RABL3: variants seen among roughly 807,000 people sequenced by gnomAD.
RABL3 encodes the protein RAB, member of RAS oncogene family like 3.
A neutral mutation model predicts 31.8 loss-of-function variants in RABL3; 31 were observed. The observed-to-expected ratio is 0.97, with a 90% CI of 0.73 to 1.31. The LOEUF (loss-of-function observed/expected upper bound fraction) is 1.31. RABL3 is among the 40% of genes most tolerant of loss of function. The pLI is 0.00. For missense variants in RABL3, 263 were observed against 279.6 expected (o/e 0.94, Z 0.42); for synonymous variants, 97 against 99.9 (o/e 0.97, Z 0.18).
In RABL3 at chr3:120,687,666, A is replaced by G. The variant is rs982574925; in HGVS notation, c.*2157T>C. The G allele has an allele frequency of 2.0e-5, 3 of 152,140 alleles. No homozygotes were observed. The highest frequency in any genetic ancestry group is 7.2e-5 in the African/African-American group (3 of 41,448). The allele number at this position is 152,140 out of a possible 1,614,324, so 9.4% of individuals were successfully genotyped here. On this transcript the variant is annotated 3_prime_UTR_variant, in exon 8 of 8. Coordinates refer to ENST00000273375, the MANE Select transcript of RABL3 (RefSeq NM_173825.5). ...ATTAAAAACTATTTTTTCTTAGAAA[A>G]CTATAATTCAAGGAATCAAGCTTGG...
chr3:120,734,909 A>G (rs1182384938), intron 1 of RABL3, among the ~76,000 whole-genome samples: 1 of 152,122 alleles, frequency 6.6e-6, no homozygotes, highest in Admixed American at 6.6e-5. Context: ...TGATCATGGT[A>G]GATAAGCTTT....
At chr3:120,721,583 G>T (rs1708742155) in intron 2 of RABL3, among the ~76,000 whole-genome samples, 1 of 151,990 alleles carries the variant, frequency 6.6e-6, no homozygotes, top group Non-Finnish European at 1.5e-5. Context: ...GACAAAGAAG[G>T]CCATTACATA....
intron 2 of RABL3, among the ~76,000 whole-genome samples, chr3:120,724,145 T>C (rs938536081): frequency 6.6e-6 from 1 of 152,196 alleles, no homozygotes; most frequent in African/African-American, 2.4e-5. Context: ...AGCATTCTCA[T>C]ACACTAATAA....
intron 2 of RABL3, among the ~76,000 whole-genome samples, chr3:120,719,152 A>G (rs1708705260): frequency 6.6e-6 from 1 of 152,244 alleles, no homozygotes; most frequent in South Asian, 2.1e-4. Flanking sequence ...ATTACAAAAT[A>G]TACTTTGTTT....
At chr3:120,697,051 T>C (rs1708445178) in intron 5 of RABL3, among the ~76,000 whole-genome samples, 2 of 152,352 alleles carry the variant, frequency 1.3e-5, no homozygotes, top group South Asian at 4.1e-4. Context: ...TTCCTGGTCC[T>C]CCTGCCAGGC....
rs574722359 is a variant in RABL3 at position 120,687,107 on chromosome 3, A to G, written c.*2716T>C. ...AACGTTAAGATGGAGAGACCAGCCC[A>G]AATCTTTAGTTGGATTCCAGCTAAG... On this transcript the variant is annotated 3_prime_UTR_variant, in exon 8 of 8. Transcript: ENST00000273375. The G allele has an allele frequency of 6.6e-6, 1 of 152,328 alleles. No homozygotes were observed. Among genetic ancestry groups the G allele is most frequent in the East Asian group, 1.9e-4 (1 of 5,186 alleles). The allele number at this position is 152,328 out of a possible 1,614,324, so 9.4% of individuals were successfully genotyped here. A position where few individuals can be genotyped will look rare whatever the true frequency, so the allele number is the denominator to read the frequency against.
In RABL3 at chr3:120,685,379, CTT is replaced by C. The variant is rs1446485975; in HGVS notation, c.*4442_*4443del. Among the ~76,000 whole-genome samples the C allele has an allele frequency of 6.6e-6, 1 of 152,124 alleles. No individual in the cohort carries two copies. The highest frequency in any genetic ancestry group is 1.5e-5 in the Non-Finnish European group (1 of 68,028). On this transcript the variant is annotated 3_prime_UTR_variant, in exon 8 of 8. Transcript: ENST00000273375. ...TTGGTTGGAGTTTAGGGGTTCCATT[CTT>C]TGTCATTAGTTATTGATGACCTCGG...
At chr3:120,735,248 C>G (rs1708942129) in intron 1 of RABL3, among the ~76,000 whole-genome samples, 1 of 152,152 alleles carries the variant, frequency 6.6e-6, no homozygotes, top group Non-Finnish European at 1.5e-5. Context: ...TTCAGAGATT[C>G]AACTTCTTCC....
chr3:120,694,199 G>A lies in RABL3; in HGVS notation c.560C>T (p.Ala187Val), dbSNP rs772418079. 1 of 1,611,170 alleles carries A rather than the reference G, an allele frequency of 6.2e-7. No homozygotes were observed. Among genetic ancestry groups the A allele is most frequent in the Non-Finnish European group, 8.5e-7 (1 of 1,177,780 alleles). Reference protein sequence around the residue: ...NLDCTNPRYLAAGSSNAVKLS... With the variant: ...NLDCTNPRYLVAGSSNAVKLS... ...CTTGACAGCATTGGAAGAACCTGCA[G>A]CTAAGTACCGTGGATTTGTGCAGTC... Residue 187 changes from alanine to valine, a missense_variant, in exon 6 of 8, where the codon GCT (alanine) becomes GTT (valine). Coordinates refer to ENST00000273375, the MANE Select transcript of RABL3 (RefSeq NM_173825.5).
chr3:120,731,542 TGAAGAG>T (rs1708883301), intron 1 of RABL3, among the ~76,000 whole-genome samples: 1 of 152,150 alleles, frequency 6.6e-6, no homozygotes, highest in Admixed American at 6.5e-5. Context: ...GAGATTTGTA[TGAAGAG>T]GAAAGGGAAT....
At chr3:120,730,671 A>G (rs1708871490) in intron 2 of RABL3, 25 bp downstream of exon 2, 1 of 1,527,280 alleles carries the variant, frequency 6.5e-7, no homozygotes, top group Non-Finnish European at 9.0e-7. Flanking sequence ...CATTATTGAA[A>G]AACTAAAATA....
intron 4 of RABL3, among the ~76,000 whole-genome samples, chr3:120,700,728 A>G (rs1252636737): frequency 6.6e-6 from 1 of 152,112 alleles, no homozygotes; most frequent in Non-Finnish European, 1.5e-5. Flanking sequence ...CATTTGGTTC[A>G]AAATAATCCA....
At position 120,709,870 on chromosome 3, in the gene RABL3, A is replaced by G; in HGVS notation, c.178T>C (p.Tyr60His). The change falls in exon 3 of 8, where the codon TAC becomes CAC. Residue 60 changes from tyrosine to histidine, a missense_variant. Coordinates refer to ENST00000273375, the MANE Select transcript of RABL3 (RefSeq NM_173825.5). Reference sequence around the variant, plus strand: ...CCAACATCCCATAATTCTATGTAGTAGGTCTTCTCTTCTGGGGTTCCTTCT... The same window carrying G: ...CCAACATCCCATAATTCTATGTAGTGGGTCTTCTCTTCTGGGGTTCCTTCT... ...YKEGTPEEKT[Y>H]YIELWDVGGS... 4 of 1,608,922 alleles carry G rather than the reference A, an allele frequency of 2.5e-6. No homozygotes were observed. Among genetic ancestry groups the G allele is most frequent in the Non-Finnish European group, 3.4e-6 (4 of 1,176,294 alleles).
At chr3:120,704,053 T>C (rs778587757) in intron 4 of RABL3, among the ~76,000 whole-genome samples, 2 of 152,206 alleles carry the variant, frequency 1.3e-5, no homozygotes, top group Non-Finnish European at 2.9e-5. Flanking sequence ...CAATTAATTC[T>C]ATGAGGCCAA....
chr3:120,735,566 T>A (rs1207078324), intron 1 of RABL3, among the ~76,000 whole-genome samples: 1 of 151,994 alleles, frequency 6.6e-6, no homozygotes, highest in South Asian at 2.1e-4. Flanking sequence ...CTGATCTTAG[T>A]TATTTCTTGC....
At chr3:120,695,864 C>A (rs891715666) in intron 5 of RABL3, among the ~76,000 whole-genome samples, 1 of 152,016 alleles carries the variant, frequency 6.6e-6, no homozygotes, top group Middle Eastern at 3.2e-3. Context: ...CAAAAAAACA[C>A]CCCCAAAACC....
intron 1 of RABL3, among the ~76,000 whole-genome samples, chr3:120,741,677 T>TA (rs1262185345): frequency 6.6e-6 from 1 of 152,104 alleles, no homozygotes; most frequent in Non-Finnish European, 1.5e-5. Flanking sequence ...CCACTGAGAT[T>TA]AAAAAAATAT....
At chr3:120,698,370 A>C in intron 5 of RABL3, 53 bp downstream of exon 5, 1 of 1,472,392 alleles carries the variant, frequency 6.8e-7, no homozygotes, top group Non-Finnish European at 9.4e-7. Flanking sequence ...ATATGTCTTC[A>C]GTTTTGTCTT....
chr3:120,696,781 A>G (rs1708442673), intron 5 of RABL3, among the ~76,000 whole-genome samples: 1 of 152,234 alleles, frequency 6.6e-6, no homozygotes, highest in Admixed American at 6.5e-5. Flanking sequence ...CTTCAACAAG[A>G]ATATTATATA....
Sources: allele counts gnomAD v4.1 joint callset (sites outside exome capture counted in the v4.1 genomes callset), GRCh38; gene constraint gnomAD v4.1.1; transcripts MANE v1.5; gene names NCBI Gene and HGNC (gene_info 2026-07-23, HGNC 2026-07-21).